The following ALDH7A1 variants were observed in gnomAD, a reference collection of about 807,000 sequenced individuals.
ALDH7A1 encodes alpha-aminoadipic semialdehyde dehydrogenase.
In ALDH7A1, 63 loss-of-function variants were observed where a neutral mutation model predicts 79.9. The observed-to-expected ratio is 0.79, with a 90% CI of 0.64 to 0.97. The LOEUF is 0.97. Ranked by LOEUF, ALDH7A1 falls within the 50% of genes least tolerant of loss-of-function variation. The probability of loss-of-function intolerance (pLI) is 0.00; values close to 1 mark genes in which losing one functional copy is unlikely to be tolerated. For synonymous variants in ALDH7A1, 240 were observed against 231.2 expected (o/e 1.04, Z -0.34); for missense variants, 627 against 665.2 (o/e 0.94, Z 0.63).
chr5:126,555,850 A>G (rs1200935869), intron 12 of ALDH7A1, 81 bp downstream of exon 12: 1 of 1,177,704 alleles, frequency 8.5e-7, no homozygotes, highest in Non-Finnish European at 1.3e-6. Context: ...AGGGAAAGAA[A>G]CTCCAAAACT....
chr5:126,565,012 A>G (rs1334075578), intron 9 of ALDH7A1, among the ~76,000 whole-genome samples: 1 of 152,196 alleles, frequency 6.6e-6, no homozygotes, highest in Non-Finnish European at 1.5e-5. Context: ...GCCTTGAGTA[A>G]GGAAAAGGGG....
rs116367288 is a variant in ALDH7A1, at chr5:126,559,934, G to A, written c.914-600C>T. ...CTGGCCTCTTCATCTTTTATTTCTC[G>A]GGGGGTTTTTTGTTTGTTCTTTTTT... On this transcript the variant is annotated intron_variant, in intron 10 of 17. Transcript: ENST00000409134. Among the ~76,000 whole-genome samples, 816 of 151,510 alleles carry A rather than the reference G, an allele frequency of 5.4e-3. 5 individuals are homozygous for A. The highest frequency in any genetic ancestry group is 0.02 in the Middle Eastern group (6 of 294).
intron 11 of ALDH7A1, among the ~76,000 whole-genome samples, chr5:126,556,439 T>C (rs1156842071): frequency 6.6e-6 from 1 of 152,098 alleles, no homozygotes; most frequent in Non-Finnish European, 1.5e-5. Context: ...AGACAGGCTT[T>C]TGCCATGTTG....
At chr5:126,572,762 A>C (rs565249528) in intron 7 of ALDH7A1, among the ~76,000 whole-genome samples, 60 of 152,264 alleles carry the variant, frequency 3.9e-4, no homozygotes, top group African/African-American at 1.4e-3. Flanking sequence ...GTAACCCCAC[A>C]CCTCTCCAAT....
rs1561648828 is a variant in ALDH7A1, at chr5:126,550,185, C to A, written c.1415+11G>T. On this transcript the variant is annotated intron_variant, in intron 15 of 17. Coordinates refer to ENST00000409134, the MANE Select transcript of ALDH7A1 (RefSeq NM_001182.5). ...GACTTATATAAATTTTCAAAATAGA[C>A]AAAGTTGTACCCAAGCCAGCGAAAG... 1.2e-6 allele frequency: 2 copies of A among 1,610,730 alleles called. No homozygotes were observed. The highest frequency in any genetic ancestry group is 1.7e-5 in the Admixed American group (1 of 59,952).
intron 14 of ALDH7A1, 77 bp downstream of exon 14, chr5:126,551,944 A>C: frequency 8.8e-7 from 1 of 1,130,072 alleles, no homozygotes; most frequent in South Asian, 1.2e-5. Flanking sequence ...AGGTTCATCC[A>C]GTGAAATTTA....
chr5:126,568,343 T>C lies in ALDH7A1; in HGVS notation c.787A>G (p.Lys263Glu). The C allele has an allele frequency of 6.2e-7, 1 of 1,614,120 alleles. No individual in the cohort carries two copies. Among genetic ancestry groups the C allele is most frequent in the Non-Finnish European group, 8.5e-7 (1 of 1,179,974 alleles). The change falls in exon 9 of 18, where the codon AAA (lysine) becomes GAA (glutamate). Residue 263 changes from lysine to glutamate, a missense_variant. Coordinates refer to ENST00000409134, the MANE Select transcript of ALDH7A1 (RefSeq NM_001182.5). The part of the protein sequence containing the change: ...GGADIGTAMA[K>E]DERVNLLSFT... Reference sequence around the variant, plus strand: ...GACAGCAGGTTCACTCGTTCATCTTTGGCCATTGCTGTGCTGCAAGGGAAC... The same window carrying C: ...GACAGCAGGTTCACTCGTTCATCTTCGGCCATTGCTGTGCTGCAAGGGAAC...
chr5:126,544,975 T>C lies in ALDH7A1; in HGVS notation c.1610A>G (p.Lys537Arg), dbSNP rs775017806. 7.5e-6 allele frequency: 12 copies of C among 1,610,062 alleles called. No individual in the cohort carries two copies. In the South Asian group the frequency reaches 7.7e-5, roughly 10 times the overall value. Residue 537 changes from lysine to arginine, a missense_variant, in exon 18 of 18, where the codon AAG (lysine) becomes AGG (arginine). Coordinates refer to ENST00000409134, the MANE Select transcript of ALDH7A1 (RefSeq NM_001182.5). ...SKDLPLAQGI[K>R]FQ Reference sequence around the variant, plus strand: ...TCATCTAAAACACCTTTACTGAAACTTGATTCCTTGGGCCAGAGGAAGGTC... The same window carrying C: ...TCATCTAAAACACCTTTACTGAAACCTGATTCCTTGGGCCAGAGGAAGGTC...
At chr5:126,572,033 G>A (rs1406188133) in intron 7 of ALDH7A1, among the ~76,000 whole-genome samples, 1 of 152,098 alleles carries the variant, frequency 6.6e-6, no homozygotes, top group Admixed American at 6.5e-5. Flanking sequence ...ATCTGATTTT[G>A]AGTCATAAAA....
chr5:126,590,043 C>T (rs1751498940), intron 3 of ALDH7A1, among the ~76,000 whole-genome samples: 1 of 137,036 alleles, frequency 7.3e-6, no homozygotes, highest in African/African-American at 3.2e-5. Flanking sequence ...AGCTGCCGCC[C>T]CGTCTGGAAA....
At chr5:126,559,412 T>G in intron 10 of ALDH7A1, 78 bp from the exon 11 acceptor site, 1 of 1,097,786 alleles carries the variant, frequency 9.1e-7, no homozygotes, top group Non-Finnish European at 1.3e-6. Context: ...TAAAACAATG[T>G]TGTTTTTTGT....
chr5:126,578,634 G>A (rs80297252), intron 5 of ALDH7A1, among the ~76,000 whole-genome samples: 15,359 of 116,248 alleles, frequency 0.13, 898 homozygotes, highest in African/African-American at 0.22. Context: ...GTAAGACCCT[G>A]TATCAAAAAA....
intron 1 of ALDH7A1, among the ~76,000 whole-genome samples, chr5:126,594,607 G>T (rs1006865875): frequency 2.0e-5 from 3 of 151,818 alleles, no homozygotes; most frequent in Non-Finnish European, 4.4e-5. Context: ...ACCACGCCCG[G>T]CTATTTTGTA....
chr5:126,592,626 G>A, intron 3 of ALDH7A1, 38 bp downstream of exon 3: 1 of 1,594,886 alleles, frequency 6.3e-7, no homozygotes, highest in African/African-American at 1.3e-5. Flanking sequence ...TAGGCAAAGT[G>A]ATCTTTTCTG....
At position 126,568,364 on chromosome 5, in the gene ALDH7A1, G is replaced by C. The variant is rs1191058889; in HGVS notation, c.774-8C>G. On this transcript the variant is annotated splice_polypyrimidine_tract_variant and splice_region_variant and intron_variant, in intron 8 of 17. Coordinates refer to ENST00000409134, the MANE Select transcript of ALDH7A1 (RefSeq NM_001182.5). ...TCTTTGGCCATTGCTGTGCTGCAAG[G>C]GAACAGACACGGTCGGCCACCCAAG... The C allele has an allele frequency of 2.5e-6, 4 of 1,613,486 alleles. No homozygotes were observed. The highest frequency in any genetic ancestry group is 3.4e-6 in the Non-Finnish European group (4 of 1,179,460).
In ALDH7A1 at chr5:126,577,090, A is replaced by G. The variant is rs537260194; in HGVS notation, c.639T>C (p.Asn213=). ...WNNAIAMICG[N]VCLWKGAPTT... Reference sequence around the variant, plus strand: ...TGAGCAGGTCTTACCAGAGGCAGACATTTCCACAGATCATGGCGATGGCGT... The same window carrying G: ...TGAGCAGGTCTTACCAGAGGCAGACGTTTCCACAGATCATGGCGATGGCGT... The change falls in exon 6 of 18, where the codon AAT becomes AAC. Residue 213 remains asparagine, a synonymous_variant. Coordinates refer to ENST00000409134, the MANE Select transcript of ALDH7A1 (RefSeq NM_001182.5). The G allele has an allele frequency of 1.2e-6, 2 of 1,614,152 alleles. No homozygotes were observed. The highest frequency in any genetic ancestry group is 2.2e-5 in the East Asian group (1 of 44,888).
At chr5:126,554,174 GAGA>G (rs1481439733) in intron 13 of ALDH7A1, 110 bp downstream of exon 13, 18 of 789,772 alleles carry the variant, frequency 2.3e-5, no homozygotes, top group Admixed American at 7.4e-5. Context: ...ATAAAGACAG[GAGA>G]AGAAGGATGT....
chr5:126,541,894 CGTA>C lies in ALDH7A1; in HGVS notation c.*3068_*3070del, dbSNP rs1470828269. On this transcript the variant is annotated 3_prime_UTR_variant, in exon 18 of 18. Transcript: ENST00000409134. Reference sequence around the variant, plus strand: ...AAAAGGGAAATTAACGTAGACAAATCGTAACATGTACCCCAAATCCAAATGGAT... The same window carrying C: ...AAAAGGGAAATTAACGTAGACAAATCACATGTACCCCAAATCCAAATGGAT... 6.6e-6 allele frequency: 1 copy of C among 151,262 alleles called. No homozygotes were observed. The highest frequency in any genetic ancestry group is 2.4e-5 in the African/African-American group (1 of 41,128). 9.4% of individuals were successfully genotyped at this position (151,262 alleles called of 1,614,324 possible).
chr5:126,579,673 G>A (rs987916769), intron 5 of ALDH7A1, among the ~76,000 whole-genome samples: 5 of 152,014 alleles, frequency 3.3e-5, no homozygotes, highest in Admixed American at 6.6e-5. Context: ...AAATAGAAGT[G>A]TAAGCTAGGT....
Sources: allele counts gnomAD v4.1 joint callset (sites outside exome capture counted in the v4.1 genomes callset), GRCh38; gene constraint gnomAD v4.1.1; transcripts MANE v1.5; gene names NCBI Gene and HGNC (gene_info 2026-07-23, HGNC 2026-07-21).